Variants in COL26A1 observed in about 807,000 individuals in gnomAD.
COL26A1 encodes the protein collagen alpha-1(XXVI) chain.
A neutral mutation model predicts 59.3 loss-of-function variants in COL26A1; 41 were observed. That is an observed-to-expected ratio of 0.69 (90% CI 0.54 to 0.90). COL26A1 has a LOEUF of 0.90. Among genes scored for constraint, COL26A1 ranks in the 40% least tolerant of loss-of-function variants. COL26A1 has a pLI of 0.00. For missense variants in COL26A1, 612 were observed against 602.3 expected (o/e 1.02, Z -0.17); for synonymous variants, 266 against 256.0 (o/e 1.04, Z -0.37).
chr7:101,471,564 G>GTTTTTTTTTTTTTTTTTTTTTTTT (rs1562997549), intron 3 of COL26A1, among the ~76,000 whole-genome samples: 1 of 129,024 alleles, frequency 7.8e-6, no homozygotes, highest in African/African-American at 3.1e-5. Context: ...TGTTGTTGTT[G>GTTTTTTTTTTTTTTTTTTTTTTTT]TTGTTTGTTT....
At chr7:101,525,722 T>A (rs909316417) in intron 3 of COL26A1, among the ~76,000 whole-genome samples, 1 of 152,126 alleles carries the variant, frequency 6.6e-6, no homozygotes, top group Non-Finnish European at 1.5e-5. Flanking sequence ...GGTCTCGATC[T>A]CCTGACCTCG....
intron 9 of COL26A1, among the ~76,000 whole-genome samples, chr7:101,549,764 C>T (rs934603917): frequency 6.6e-6 from 1 of 152,144 alleles, no homozygotes. Context: ...TAGCATCACT[C>T]GCATTTCACA....
At chr7:101,474,856 T>C in intron 3 of COL26A1, among the ~76,000 whole-genome samples, 1 of 152,058 alleles carries the variant, frequency 6.6e-6, no homozygotes, top group East Asian at 1.9e-4. Flanking sequence ...CTAAATTTGA[T>C]AAAAAAGCGG....
chr7:101,362,780 A>G (rs562207136), upstream of COL26A1: 12 of 512,942 alleles, frequency 2.3e-5, no homozygotes, highest in Admixed American at 3.2e-4. Context: ...TCGGCCCCGG[A>G]CCGCCGAGGG....
rs1237660859 is a variant in COL26A1, at chr7:101,393,010, T to G, written c.159-26967T>G. Among the ~76,000 whole-genome samples the G allele has an allele frequency of 3.5e-3, 528 of 151,418 alleles. 2 individuals are homozygous for G. The highest frequency in any genetic ancestry group is 0.012 in the African/African-American group (504 of 41,394). The stretch of plus-strand genomic sequence containing the variant: ...TCAATAAAAAAATGTTTTTTTGTTT[T>G]TTTTTTTTTTGAGATGGAGTCTCGC... On this transcript the variant is annotated intron_variant, in intron 1 of 12. Coordinates refer to ENST00000313669, the MANE Select transcript of COL26A1 (RefSeq NM_001278563.3).
intron 7 of COL26A1, among the ~76,000 whole-genome samples, 170 bp from the exon 8 acceptor site, chr7:101,546,986 G>A (rs141013385): frequency 7.9e-5 from 12 of 152,280 alleles, no homozygotes; most frequent in Non-Finnish European, 1.5e-4. Context: ...GGGCCTCTCC[G>A]TGCTCCTCTG....
intron 1 of COL26A1, among the ~76,000 whole-genome samples, chr7:101,405,695 C>G (rs945974236): frequency 6.6e-6 from 1 of 152,210 alleles, no homozygotes; most frequent in Non-Finnish European, 1.5e-5. Context: ...CACCATCTCT[C>G]CCCCTAGCCT....
chr7:101,486,564 G>A (rs117541128), intron 3 of COL26A1, among the ~76,000 whole-genome samples: 115 of 152,360 alleles, frequency 7.5e-4, no homozygotes, highest in Non-Finnish European at 1.1e-3. Context: ...AGGACCGGGC[G>A]CATTTATAGA....
intron 1 of COL26A1, among the ~76,000 whole-genome samples, chr7:101,381,958 G>A (rs1164508579): frequency 1.3e-5 from 2 of 152,156 alleles, no homozygotes; most frequent in African/African-American, 2.4e-5. Context: ...GACTGAAAGT[G>A]GCTTTGGCAT....
At chr7:101,419,893 C>T (rs1383946206) in intron 1 of COL26A1, 84 bp from the exon 2 acceptor site, 1 of 1,512,154 alleles carries the variant, frequency 6.6e-7, no homozygotes, top group East Asian at 2.4e-5. Context: ...GCGGGGGCCC[C>T]TCCCTGTCCA....
At chr7:101,413,803 A>G (rs1212508272) in intron 1 of COL26A1, among the ~76,000 whole-genome samples, 2 of 152,126 alleles carry the variant, frequency 1.3e-5, no homozygotes, top group African/African-American at 4.8e-5. Context: ...CAGGCCTGCC[A>G]TGTCCCAGTT....
chr7:101,426,596 A>C (rs75210442), intron 2 of COL26A1, among the ~76,000 whole-genome samples: 27 of 152,272 alleles, frequency 1.8e-4, no homozygotes, highest in Non-Finnish European at 1.2e-4. Flanking sequence ...AATCCCTAGC[A>C]GACTTCCCTG....
At chr7:101,514,837 C>A (rs113074660) in intron 3 of COL26A1, among the ~76,000 whole-genome samples, 2,003 of 152,338 alleles carry the variant, frequency 0.013, 45 homozygotes, top group African/African-American at 0.044. Flanking sequence ...TCCGCCACCA[C>A]CATATCCCTA....
intron 1 of COL26A1, among the ~76,000 whole-genome samples, chr7:101,367,890 C>T (rs1187129365): frequency 6.6e-6 from 1 of 152,194 alleles, no homozygotes; most frequent in Non-Finnish European, 1.5e-5. Flanking sequence ...TCTGTTACGG[C>T]AACCTTGAGC....
chr7:101,540,095 C>A (rs745525495), intron 5 of COL26A1, 46 bp downstream of exon 5: 4 of 1,561,740 alleles, frequency 2.6e-6, no homozygotes, highest in Middle Eastern at 1.8e-4. Context: ...GCCGAAGGGA[C>A]CTTGGGCATG....
At chr7:101,552,349 C>G (rs1247248798) in intron 10 of COL26A1, among the ~76,000 whole-genome samples, 1 of 152,182 alleles carries the variant, frequency 6.6e-6, no homozygotes, top group Non-Finnish European at 1.5e-5. Context: ...TGGCTCATAC[C>G]TGTAACCCCA....
chr7:101,550,641 T>G (rs1562802097), intron 9 of COL26A1, among the ~76,000 whole-genome samples: 1 of 147,732 alleles, frequency 6.8e-6, no homozygotes, highest in African/African-American at 2.7e-5. Context: ...GGCTTCGGGA[T>G]GGGGGGCACC....
chr7:101,420,658 C>G (rs1792492742), intron 2 of COL26A1, among the ~76,000 whole-genome samples: 1 of 148,180 alleles, frequency 6.7e-6, no homozygotes, highest in African/African-American at 2.5e-5. Flanking sequence ...AGCCTTGCCC[C>G]TCACCAGCTC....
chr7:101,513,535 G>A (rs1284679281), intron 3 of COL26A1, among the ~76,000 whole-genome samples: 1 of 151,460 alleles, frequency 6.6e-6, no homozygotes, highest in East Asian at 1.9e-4. Flanking sequence ...AGTAGAGATG[G>A]GGTTTTGCCG....
Sources: allele counts gnomAD v4.1 joint callset (sites outside exome capture counted in the v4.1 genomes callset), GRCh38; gene constraint gnomAD v4.1.1; transcripts MANE v1.5; gene names NCBI Gene and HGNC (gene_info 2026-07-23, HGNC 2026-07-21).